The following KNL1 variants were observed in gnomAD, a reference collection of about 807,000 sequenced individuals.
The protein encoded by KNL1 is kinetochore scaffold 1.
Under a neutral mutation model 201.3 loss-of-function variants are expected in KNL1, and 66 were observed. The ratio of observed to expected loss-of-function variants is 0.33; its 90% CI spans 0.27 to 0.40. The LOEUF (loss-of-function observed/expected upper bound fraction) is 0.40, where lower values mean the gene tolerates loss of function less well. Among genes scored for constraint, KNL1 ranks in the 10% least tolerant of loss-of-function variants. The pLI is 1.00. For synonymous variants in KNL1, 895 were observed against 899.2 expected (o/e 1.00, Z 0.08); for missense variants, 2,815 against 2,690.5 (o/e 1.05, Z -1.02).
intron 9 of KNL1, among the ~76,000 whole-genome samples, chr15:40,620,247 T>C (rs1384267737): frequency 6.6e-6 from 1 of 151,218 alleles, no homozygotes. Context: ...AGAGTCTTGC[T>C]CTGTTGCCCA....
At chr15:40,617,547 A>G (rs995382399) in intron 8 of KNL1, among the ~76,000 whole-genome samples, 2 of 152,206 alleles carry the variant, frequency 1.3e-5, no homozygotes, top group Non-Finnish European at 2.9e-5. Context: ...CAAGCAGTTC[A>G]CAGTCTGGCA....
intron 13 of KNL1, among the ~76,000 whole-genome samples, chr15:40,630,914 G>T (rs1442521540): frequency 2.0e-5 from 3 of 151,980 alleles, no homozygotes; most frequent in Non-Finnish European, 4.4e-5. Context: ...GAGCTTAGGA[G>T]TTCAAGACCA....
chr15:40,629,490 C>CTTTTTTTTTTTTTTTTGTTT, intron 13 of KNL1, 119 bp downstream of exon 13: 1 of 232,586 alleles, frequency 4.3e-6, no homozygotes, highest in South Asian at 4.2e-5. Flanking sequence ...TTTTTTTTGC[C>CTTTTTTTTTTTTTTTTGTTT]TTTTCTTTTT....
At chr15:40,600,263 C>T (rs986582117) in intron 1 of KNL1, among the ~76,000 whole-genome samples, 5 of 152,126 alleles carry the variant, frequency 3.3e-5, no homozygotes, top group Admixed American at 6.6e-5. Flanking sequence ...TTAGTAGAGA[C>T]GGGGTTTCAC....
chr15:40,595,290 A>G (rs1031280650), intron 1 of KNL1, among the ~76,000 whole-genome samples: 47 of 152,380 alleles, frequency 3.1e-4, no homozygotes, highest in African/African-American at 1.1e-3. Context: ...CTAGAATACA[A>G]GACAGAATGT....
rs564376547 is a variant in KNL1 at position 40,596,285 on chromosome 15, T to G, written c.-18+1893T>G. On this transcript the variant is annotated intron_variant, in intron 1 of 25. Transcript: ENST00000399668. ...TTTTAAATTTTATTTATTTATTTAT[T>G]CTTTTTTGTGAGACGGAGTCTCGCT... Among the ~76,000 whole-genome samples the G allele has an allele frequency of 7.2e-5, 11 of 152,300 alleles. No individual in the cohort carries two copies. The South Asian group carries it at 2.3e-3, about 32-fold the overall frequency.
intron 2 of KNL1, among the ~76,000 whole-genome samples, chr15:40,603,262 G>A (rs1891867405): frequency 6.6e-6 from 1 of 152,064 alleles, no homozygotes; most frequent in Non-Finnish European, 1.5e-5. Flanking sequence ...GCAGGCCCCG[G>A]TGAGTGATGT....
In KNL1 at chr15:40,621,307, A is replaced by G. The variant is rs1395460419; in HGVS notation, c.1043A>G (p.Asp348Gly). The G allele has an allele frequency of 2.5e-6, 4 of 1,613,880 alleles. No individual in the cohort carries two copies. In the African/African-American group the frequency reaches 5.3e-5, roughly 22 times the overall value. The stretch of plus-strand genomic sequence containing the variant: ...GAAAATCAAACTCAGAATGCCATGG[A>G]TGTAACAACAGGTTATGGAACTAAA... ...EIENQTQNAM[D>G]VTTGYGTKAS... is the part of the protein sequence containing the mutation. Residue 348 changes from aspartate (D) to glycine (G), a missense_variant, in exon 10 of 26, where the codon GAT becomes GGT. Transcript: ENST00000399668.
intron 1 of KNL1, among the ~76,000 whole-genome samples, chr15:40,601,681 C>T (rs928411735): frequency 1.3e-5 from 2 of 151,232 alleles, no homozygotes; most frequent in African/African-American, 4.8e-5. Flanking sequence ...ATTAGCCGGG[C>T]GCGGTCGTGG....
Position 40,624,117 on chromosome 15 carries a change from G to A in KNL1, c.3853G>A (p.Val1285Met). The A allele has an allele frequency of 6.2e-7, 1 of 1,613,970 alleles. No homozygotes were observed. Among genetic ancestry groups the A allele is most frequent in the Non-Finnish European group, 8.5e-7 (1 of 1,179,904 alleles). ...GTTAAATAATAGAGATAGAAGAAAT[G>A]TGGACTTTACAAGTAGTCATGCAAC... ...CQLNNRDRRN[V>M]DFTSSHATAV... Residue 1285 changes from valine (V) to methionine (M), a missense_variant, in exon 10 of 26, where the codon GTG (valine) becomes ATG (methionine). This residue lies in a region of KNL1 where 2,464 missense variants were observed against 2,291.7 expected (regional missense o/e 1.08). Transcript: ENST00000399668.
At chr15:40,611,108 ATTT>A (rs10706227) in intron 6 of KNL1, among the ~76,000 whole-genome samples, 2 of 143,150 alleles carry the variant, frequency 1.4e-5, no homozygotes, top group African/African-American at 2.6e-5. Context: ...ATTTTATTGT[ATTT>A]TTTTTTTTTT....
Position 40,623,370 on chromosome 15 carries a change from T to C in KNL1, c.3106T>C (p.Leu1036=). The C allele has an allele frequency of 2.5e-6, 4 of 1,613,968 alleles. No homozygotes were observed. The highest frequency in any genetic ancestry group is 2.5e-6 in the Non-Finnish European group (3 of 1,179,910). ...GPVEVADNME[L]SKSATCKNIK... is the part of the protein sequence containing the mutation. The stretch of plus-strand genomic sequence containing the variant: ...TGTAGAGGTAGCTGATAACATGGAA[T>C]TGTCTAAATCAGCCACTTGCAAAAA... Residue 1036 remains leucine, a synonymous_variant, in exon 10 of 26, where the codon TTG becomes CTG. Coordinates refer to ENST00000399668, the MANE Select transcript of KNL1 (RefSeq NM_144508.5).
intron 14 of KNL1, 30 bp downstream of exon 14, chr15:40,641,057 T>G (rs1304515749): frequency 1.4e-6 from 2 of 1,408,016 alleles, no homozygotes; most frequent in South Asian, 2.3e-5. Flanking sequence ...TATGTGTGTT[T>G]TTTTGAGGGG....
At chr15:40,617,635 C>T (rs564279864) in intron 8 of KNL1, among the ~76,000 whole-genome samples, 11 of 152,166 alleles carry the variant, frequency 7.2e-5, no homozygotes, top group Non-Finnish European at 1.5e-4. Flanking sequence ...TCTGTGCTCC[C>T]ATAACACCTC....
At chr15:40,653,341 A>G (rs1362146751) in intron 21 of KNL1, among the ~76,000 whole-genome samples, 1 of 152,076 alleles carries the variant, frequency 6.6e-6, no homozygotes, top group Non-Finnish European at 1.5e-5. Flanking sequence ...GGCATGCGCC[A>G]CCACACCCGG....
rs750743569 is a variant in KNL1, at chr15:40,623,390, C to G, written c.3126C>G (p.Cys1042Trp). The G allele has an allele frequency of 2.5e-6, 4 of 1,613,694 alleles. No homozygotes were observed. Among genetic ancestry groups the G allele is most frequent in the African/African-American group, 2.7e-5 (2 of 74,880 alleles). Residue 1042 changes from cysteine to tryptophan, a missense_variant, in exon 10 of 26, where the codon TGC becomes TGG. Around this residue, in one of 3 missense-constraint regions of KNL1, gnomAD observed 2,464 missense variants for 2,291.7 expected, o/e 1.08. Coordinates refer to ENST00000399668, the MANE Select transcript of KNL1 (RefSeq NM_144508.5). ...TGGAATTGTCTAAATCAGCCACTTG[C>G]AAAAACATCAAAGATGTACAAAGTC... ...DNMELSKSAT[C>W]KNIKDVQSPG...
Position 40,623,482 on chromosome 15 carries a change from A to G in KNL1, c.3218A>G (p.Asp1073Gly). The G allele has an allele frequency of 6.2e-7, 1 of 1,612,206 alleles. No individual in the cohort carries two copies. Among genetic ancestry groups the G allele is most frequent in the Non-Finnish European group, 8.5e-7 (1 of 1,179,486 alleles). ...QRRKSLKLKN[D>G]KTIVFSENHK... Reference sequence around the variant, plus strand: ...AGAAAAAGCCTTAAGCTAAAAAATGACAAGACCATTGTATTTTCAGAGAAT... The same window carrying G: ...AGAAAAAGCCTTAAGCTAAAAAATGGCAAGACCATTGTATTTTCAGAGAAT... Residue 1073 changes from aspartate (D) to glycine (G), a missense_variant, in exon 10 of 26, where the codon GAC becomes GGC. Asp to Gly is a moderately conservative substitution (Grantham distance 94). Coordinates refer to ENST00000399668, the MANE Select transcript of KNL1 (RefSeq NM_144508.5).
At chr15:40,650,197 G>A (rs1026290154) in intron 17 of KNL1, 104 bp from the exon 18 acceptor site, 9 of 714,960 alleles carry the variant, frequency 1.3e-5, no homozygotes, top group South Asian at 4.2e-5. Context: ...ACAATCTGTC[G>A]TTTAATAAAT....
chr15:40,659,594 G>A (rs531166580), intron 25 of KNL1, 133 bp downstream of exon 25: 106 of 632,050 alleles, frequency 1.7e-4, no homozygotes, highest in African/African-American at 1.5e-3. Context: ...CCGGGTTCAC[G>A]CCATTCTCCT....
Sources: allele counts gnomAD v4.1 joint callset (sites outside exome capture counted in the v4.1 genomes callset), GRCh38; gene constraint gnomAD v4.1.1; regional missense constraint gnomAD v4.1.1; transcripts MANE v1.5; gene names NCBI Gene and HGNC (gene_info 2026-07-23, HGNC 2026-07-21).